ZMAT4: variants seen among roughly 807,000 people sequenced by gnomAD.
ZMAT4 encodes the protein zinc finger matrin-type protein 4.
In ZMAT4, 17 loss-of-function variants were observed where a neutral mutation model predicts 28.7. The ratio of observed to expected loss-of-function variants is 0.59; its 90% CI spans 0.41 to 0.89. The LOEUF (loss-of-function observed/expected upper bound fraction) is 0.89, where lower values mean the gene tolerates loss of function less well. Among genes scored for constraint, ZMAT4 ranks in the 40% least tolerant of loss-of-function variants. The pLI is 0.00. For missense variants in ZMAT4, 240 were observed against 283.8 expected, an observed-to-expected ratio of 0.85 and a Z score of 1.11; for synonymous variants, 117 against 109.2, an observed-to-expected ratio of 1.07 and a Z score of -0.44.
At chr8:40,565,441 T>TG (rs1803887978) in intron 6 of ZMAT4, among the ~76,000 whole-genome samples, 1 of 137,038 alleles carries the variant, frequency 7.3e-6, no homozygotes, top group African/African-American at 2.7e-5. Flanking sequence ...TGGAGTGCAG[T>TG]GGGGCGATCA....
At chr8:40,828,444 G>A (rs1816157523) in intron 1 of ZMAT4, among the ~76,000 whole-genome samples, 1 of 151,998 alleles carries the variant, frequency 6.6e-6, no homozygotes, top group Admixed American at 6.6e-5. Flanking sequence ...CAAACACTGT[G>A]AAAGGATATT....
intron 2 of ZMAT4, among the ~76,000 whole-genome samples, chr8:40,818,043 T>C (rs1462720086): frequency 3.3e-5 from 5 of 152,212 alleles, no homozygotes; most frequent in Admixed American, 3.3e-4. Context: ...CTACAGAGCA[T>C]ACCCTACCCG....
At chr8:40,642,484 T>G (rs530661095) in intron 5 of ZMAT4, among the ~76,000 whole-genome samples, 12 of 152,338 alleles carry the variant, frequency 7.9e-5, no homozygotes, top group Admixed American at 4.6e-4. Context: ...CATTTGGCTG[T>G]CCCAGTTTTC....
At chr8:40,586,532 G>A (rs1265119775) in intron 5 of ZMAT4, among the ~76,000 whole-genome samples, 2 of 152,146 alleles carry the variant, frequency 1.3e-5, no homozygotes, top group African/African-American at 2.4e-5. Flanking sequence ...AGAGGAGATT[G>A]TTTCTAACTC....
At chr8:40,679,108 A>G (rs1809034572) in intron 4 of ZMAT4, among the ~76,000 whole-genome samples, 1 of 152,198 alleles carries the variant, frequency 6.6e-6, no homozygotes, top group African/African-American at 2.4e-5. Context: ...GAAGCAAGTC[A>G]GTTTTCAACA....
At chr8:40,660,269 G>T (rs1359414024) in intron 5 of ZMAT4, among the ~76,000 whole-genome samples, 1 of 152,126 alleles carries the variant, frequency 6.6e-6, no homozygotes, top group Non-Finnish European at 1.5e-5. Context: ...TGCAATATTT[G>T]TAAAGAAATC....
intron 5 of ZMAT4, among the ~76,000 whole-genome samples, chr8:40,593,770 CTCTT>C (rs1289976597): frequency 2.0e-5 from 3 of 152,194 alleles, no homozygotes; most frequent in Non-Finnish European, 4.4e-5. Flanking sequence ...CCAGATTACA[CTCTT>C]TCTCTCTTAC....
chr8:40,675,656 C>T (rs915162134), intron 4 of ZMAT4, among the ~76,000 whole-genome samples: 1 of 152,084 alleles, frequency 6.6e-6, no homozygotes, highest in African/African-American at 2.4e-5. Flanking sequence ...CGTTTGTGTG[C>T]TATAAATGTA....
At chr8:40,633,665 A>G (rs1806682442) in intron 5 of ZMAT4, among the ~76,000 whole-genome samples, 1 of 152,180 alleles carries the variant, frequency 6.6e-6, no homozygotes, top group African/African-American at 2.4e-5. Flanking sequence ...AGCTTCCCTA[A>G]TAGTGTAGAG....
At chr8:40,581,086 G>A in intron 6 of ZMAT4, 79 bp downstream of exon 6, 1 of 1,157,330 alleles carries the variant, frequency 8.6e-7, no homozygotes, top group Non-Finnish European at 1.3e-6. Flanking sequence ...TTTAGAAATA[G>A]ATGAAATGTT....
At chr8:40,644,603 C>T (rs1017459270) in intron 5 of ZMAT4, among the ~76,000 whole-genome samples, 1 of 151,910 alleles carries the variant, frequency 6.6e-6, no homozygotes, top group Non-Finnish European at 1.5e-5. Context: ...ATAGATAAAC[C>T]TCACATGCAG....
At chr8:40,870,859 C>T (rs1326747849) in intron 1 of ZMAT4, among the ~76,000 whole-genome samples, 1 of 152,194 alleles carries the variant, frequency 6.6e-6, no homozygotes, top group Admixed American at 6.5e-5. Flanking sequence ...GATTCCCTTA[C>T]CAGGCTAAAG....
intron 3 of ZMAT4, among the ~76,000 whole-genome samples, chr8:40,755,295 G>A (rs1345270861): frequency 1.3e-5 from 2 of 152,126 alleles, no homozygotes; most frequent in Non-Finnish European, 2.9e-5. Context: ...TCTGTAAAGG[G>A]TCACAGTAAA....
chr8:40,744,927 T>G (rs1485576632), intron 3 of ZMAT4, among the ~76,000 whole-genome samples: 4 of 152,210 alleles, frequency 2.6e-5, no homozygotes, highest in Non-Finnish European at 5.9e-5. Flanking sequence ...ATAGAGAGGA[T>G]GGGCCCAAGT....
chr8:40,638,133 C>G (rs2342625), intron 5 of ZMAT4, among the ~76,000 whole-genome samples: 149,088 of 152,306 alleles, frequency 0.98, 73,065 homozygotes, highest in Middle Eastern at 1. Flanking sequence ...AAGAGGTTCT[C>G]GTGATCTATT....
intron 6 of ZMAT4, among the ~76,000 whole-genome samples, chr8:40,539,063 G>A (rs924972266): frequency 6.6e-6 from 1 of 152,088 alleles, no homozygotes; most frequent in African/African-American, 2.4e-5. Flanking sequence ...GGATTACAGG[G>A]ATGAGCCACC....
At position 40,708,571 on chromosome 8, in the gene ZMAT4, T is replaced by TTCTCTCTCTCTCTCTC. The variant is rs36210172; in HGVS notation, c.193-11186_193-11171dup. 4.9e-4 allele frequency among the ~76,000 whole-genome samples: 59 copies of TTCTCTCTCTCTCTCTC among 121,028 alleles called. 2 individuals carry two copies. The highest frequency in any genetic ancestry group is 2.5e-4 in the Non-Finnish European group (15 of 60,136). The allele number at this position is 121,028 out of a possible 152,430, so 79.4% of individuals were successfully genotyped here. A position where few individuals can be genotyped will look rare whatever the true frequency, so the allele number is the denominator to read the frequency against. On this transcript the variant is annotated intron_variant, in intron 3 of 6. Transcript: ENST00000297737. Reference sequence around the variant, plus strand: ...CTACACACACACACATACACACTCTTTCTCTCTCTCTCTCTCTCTCTCTCT... The same window carrying TTCTCTCTCTCTCTCTC: ...CTACACACACACACATACACACTCTTTCTCTCTCTCTCTCTCTCTCTCTCTCTCTCTCTCTCTCTCT...
chr8:40,585,539 A>G (rs1804639811), intron 5 of ZMAT4, among the ~76,000 whole-genome samples: 1 of 152,116 alleles, frequency 6.6e-6, no homozygotes, highest in Non-Finnish European at 1.5e-5. Context: ...CATAAAAATC[A>G]TACTCCTTTT....
At chr8:40,715,835 C>T (rs560391701) in intron 3 of ZMAT4, among the ~76,000 whole-genome samples, 20 of 152,380 alleles carry the variant, frequency 1.3e-4, no homozygotes, top group African/African-American at 4.8e-4. Context: ...GGTCCATTTA[C>T]ATGCCATGTG....
Sources: allele counts gnomAD v4.1 joint callset (sites outside exome capture counted in the v4.1 genomes callset), GRCh38; gene constraint gnomAD v4.1.1; transcripts MANE v1.5; gene names NCBI Gene and HGNC (gene_info 2026-07-23, HGNC 2026-07-21).